CSMD1: variants seen among roughly 807,000 people sequenced by gnomAD.
CSMD1 encodes CUB and Sushi multiple domains 1, also known as CUB and sushi domain-containing protein 1.
In CSMD1, 213 loss-of-function variants were observed where a neutral mutation model predicts 417.5. That is an observed-to-expected ratio of 0.51 (90% confidence interval 0.46 to 0.57). The LOEUF is 0.57. CSMD1 is among the 20% of genes least tolerant of loss of function. The pLI is 0.00. For missense variants in CSMD1, 6,923 were observed against 4,529.7 expected (o/e 1.53, Z -15.17); for synonymous variants, 2,862 against 1,736.8 (o/e 1.65, Z -16.11).
rs1360253953 is a variant in CSMD1, at chr8:3,326,362, T to C, written c.3631+16932A>G. Among the ~76,000 whole-genome samples the C allele has an allele frequency of 2.0e-5, 3 of 152,210 alleles. No homozygotes were observed. The East Asian group carries it at 5.8e-4, about 29-fold the overall frequency. ...AATGGTCATCGTGGTACCTTCCACC[T>C]TCCTCCCTTTGAGAAATGGATGAAG... is the stretch of plus-strand genomic sequence containing the variant. On this transcript the variant is annotated intron_variant, in intron 23 of 69. Coordinates refer to ENST00000635120, the MANE Select transcript of CSMD1 (RefSeq NM_033225.6).
At chr8:3,536,181 A>C (rs568049094) in intron 10 of CSMD1, among the ~76,000 whole-genome samples, 1 of 152,360 alleles carries the variant, frequency 6.6e-6, no homozygotes, top group African/African-American at 2.4e-5. Flanking sequence ...GGCTTTCAGC[A>C]GACGTATCCA....
At chr8:3,837,072 A>T (rs1802758479) in intron 5 of CSMD1, among the ~76,000 whole-genome samples, 1 of 152,000 alleles carries the variant, frequency 6.6e-6, no homozygotes. Context: ...TTTCAACATG[A>T]AGAGCTAGGA....
chr8:4,849,653 TA>T (rs1269329943), intron 1 of CSMD1, among the ~76,000 whole-genome samples: 2 of 152,208 alleles, frequency 1.3e-5, no homozygotes, highest in Non-Finnish European at 2.9e-5. Flanking sequence ...CTTGATATTG[TA>T]TTATAGTTGT....
chr8:3,488,548 T>C (rs765425257), intron 11 of CSMD1, among the ~76,000 whole-genome samples: 1 of 152,212 alleles, frequency 6.6e-6, no homozygotes, highest in African/African-American at 2.4e-5. Flanking sequence ...ATAATGTAGA[T>C]TCATACTGCT....
At chr8:4,985,337 C>A (rs1351597220) in intron 1 of CSMD1, among the ~76,000 whole-genome samples, 3 of 149,722 alleles carry the variant, frequency 2.0e-5, no homozygotes. Context: ...TGTAACAAAA[C>A]TTCATATCCT....
intron 1 of CSMD1, chr8:4,788,240 G>A (rs1797513496): frequency 1.9e-6 from 3 of 1,587,294 alleles, no homozygotes; most frequent in Non-Finnish European, 2.6e-6. Context: ...ATGAAACTCT[G>A]AGGGTTAAAG....
At chr8:3,750,908 T>A (rs1223240940) in intron 6 of CSMD1, among the ~76,000 whole-genome samples, 2 of 152,140 alleles carry the variant, frequency 1.3e-5, no homozygotes, top group Non-Finnish European at 2.9e-5. Context: ...AGAAAAATAA[T>A]CGTAGTGCCT....
intron 12 of CSMD1, among the ~76,000 whole-genome samples, chr8:3,450,389 C>A (rs1034756927): frequency 6.6e-6 from 1 of 151,936 alleles, no homozygotes; most frequent in Non-Finnish European, 1.5e-5. Flanking sequence ...TATACATGTG[C>A]CATGTTGGTG....
intron 1 of CSMD1, among the ~76,000 whole-genome samples, chr8:4,801,275 T>C (rs1310480646): frequency 2.0e-5 from 3 of 152,152 alleles, no homozygotes; most frequent in African/African-American, 7.2e-5. Flanking sequence ...AGGTCACCTT[T>C]AATTGCAAAA....
rs531910281 is a variant in CSMD1, at chr8:4,141,859, G to C, written c.416-109760C>G. On this transcript the variant is annotated intron_variant, in intron 3 of 69. Coordinates refer to ENST00000635120, the MANE Select transcript of CSMD1 (RefSeq NM_033225.6). ...TTATCGTGACTAACAGTACCATTTA[G>C]ATATTGAGAGTACCAATCCTACAAG... is the stretch of plus-strand genomic sequence containing the variant. Among the ~76,000 whole-genome samples, 8 of 151,096 alleles carry C rather than the reference G, an allele frequency of 5.3e-5. No homozygotes were observed. In the East Asian group the frequency reaches 9.7e-4, roughly 18 times the overall value.
At chr8:3,640,189 T>A (rs189930318) in intron 7 of CSMD1, among the ~76,000 whole-genome samples, 2 of 152,304 alleles carry the variant, frequency 1.3e-5, no homozygotes, top group East Asian at 3.9e-4. Flanking sequence ...GGTGCAGGGA[T>A]ATTGCAGTCA....
intron 7 of CSMD1, among the ~76,000 whole-genome samples, chr8:3,669,642 T>C (rs1798886687): frequency 6.6e-6 from 1 of 152,092 alleles, no homozygotes; most frequent in African/African-American, 2.4e-5. Context: ...GCTGGGTACA[T>C]CATTTATTAA....
rs183486487 is a variant in CSMD1, at chr8:4,272,768, A to C, written c.415+147185T>G. Among the ~76,000 whole-genome samples the C allele has an allele frequency of 2.1e-3, 327 of 152,290 alleles. 3 individuals carry two copies. The highest frequency in any genetic ancestry group is 7.5e-3 in the African/African-American group (313 of 41,574). ...TGTAATTCTTGAATGAACTCTCAGTAAAGGAGGTTAGTATGAGATGACCTT... is the reference window on the plus strand; with the variant it reads ...TGTAATTCTTGAATGAACTCTCAGTCAAGGAGGTTAGTATGAGATGACCTT... On this transcript the variant is annotated intron_variant, in intron 3 of 69. Transcript: ENST00000635120.
chr8:3,552,444 T>A (rs902266276), intron 10 of CSMD1, among the ~76,000 whole-genome samples: 3 of 152,220 alleles, frequency 2.0e-5, no homozygotes, highest in Non-Finnish European at 4.4e-5. Flanking sequence ...AAGGGATTGT[T>A]GTTAGGCAGT....
chr8:3,840,538 T>G (rs1274366514), intron 5 of CSMD1, among the ~76,000 whole-genome samples: 1 of 152,100 alleles, frequency 6.6e-6, no homozygotes, highest in African/African-American at 2.4e-5. Flanking sequence ...AATGCATTCA[T>G]GTAATTCAAT....
chr8:4,695,748 G>C (rs1000852246), intron 1 of CSMD1, among the ~76,000 whole-genome samples: 33 of 152,140 alleles, frequency 2.2e-4, no homozygotes, highest in Non-Finnish European at 7.3e-5. Context: ...TATGGGTTTA[G>C]ACAAATTTAT....
intron 5 of CSMD1, among the ~76,000 whole-genome samples, chr8:3,962,792 A>T (rs911529153): frequency 6.6e-6 from 1 of 152,164 alleles, no homozygotes; most frequent in African/African-American, 2.4e-5. Flanking sequence ...TCATATTTTT[A>T]AAAACATTGA....
chr8:4,989,032 C>A (rs897558625), intron 1 of CSMD1, among the ~76,000 whole-genome samples: 28 of 152,266 alleles, frequency 1.8e-4, no homozygotes, highest in African/African-American at 6.7e-4. Context: ...ATTTTAAAGT[C>A]CTTATGGAAA....
chr8:3,470,548 G>A (rs1817026629), intron 11 of CSMD1, among the ~76,000 whole-genome samples: 1 of 151,996 alleles, frequency 6.6e-6, no homozygotes, highest in Non-Finnish European at 1.5e-5. Flanking sequence ...GTACATTTGT[G>A]CATGTAGCTC....
Sources: allele counts gnomAD v4.1 joint callset (sites outside exome capture counted in the v4.1 genomes callset), GRCh38; gene constraint gnomAD v4.1.1; transcripts MANE v1.5; gene names NCBI Gene and HGNC (gene_info 2026-07-23, HGNC 2026-07-21).